CDKL5: variants seen among roughly 807,000 people sequenced by gnomAD.
CDKL5 encodes cyclin dependent kinase like 5, also known as cyclin-dependent kinase-like 5.
In CDKL5, 8 loss-of-function variants were observed where a neutral mutation model predicts 61.7. That is an observed-to-expected ratio of 0.13 (90% CI 0.08 to 0.23). The LOEUF is 0.23. Ranked by LOEUF, CDKL5 falls within the 10% of genes least tolerant of loss-of-function variation. CDKL5 has a pLI of 1.00. For synonymous variants in CDKL5, 275 were observed against 272.3 expected, an observed-to-expected ratio of 1.01 and a Z score of -0.10; for missense variants, 440 against 734.5, an observed-to-expected ratio of 0.60 and a Z score of 4.63.
chrX:18,476,147 C>G (rs772673757), intron 1 of CDKL5, among the ~76,000 whole-genome samples: 1 of 111,836 alleles, frequency 8.9e-6, no homozygotes, highest in African/African-American at 3.2e-5. Flanking sequence ...TGTGAGCTCT[C>G]TCATTAGGTG....
At chrX:18,646,309 A>G (rs1037379081) in intron 20 of CDKL5, among the ~76,000 whole-genome samples, 1 of 111,414 alleles carries the variant, frequency 9.0e-6, no homozygotes, top group Non-Finnish European at 1.9e-5. Context: ...ACCTGCCACC[A>G]TGCCCGGCTA....
chrX:18,535,826 C>T (rs1193467231), intron 3 of CDKL5: 1 of 113,100 alleles, frequency 8.8e-6, no homozygotes, highest in Non-Finnish European at 1.9e-5. Flanking sequence ...CAGAGTCCCT[C>T]CAATGGCTCC....
chrX:18,496,550 C>T (rs903297675), intron 1 of CDKL5, among the ~76,000 whole-genome samples: 9 of 111,264 alleles, frequency 8.1e-5, no homozygotes, highest in Admixed American at 7.6e-4. Context: ...GGGAAAGGCC[C>T]AGAAAGGGAA....
At chrX:18,617,959 A>G (rs755982015) in intron 15 of CDKL5, among the ~76,000 whole-genome samples, 2 of 111,369 alleles carry the variant, frequency 1.8e-5, no homozygotes, top group Non-Finnish European at 3.8e-5. Context: ...GCAAACATTG[A>G]GCTTTCCTTT....
chrX:18,427,329 G>A (rs1340038799), intron 1 of CDKL5, among the ~76,000 whole-genome samples: 1 of 104,397 alleles, frequency 9.6e-6, no homozygotes, highest in Non-Finnish European at 2.0e-5. Context: ...GCGGGGGTTG[G>A]GGGGGAGGTG....
intron 2 of CDKL5, among the ~76,000 whole-genome samples, chrX:18,508,407 CCT>C (rs1922663165): frequency 8.9e-6 from 1 of 112,207 alleles, no homozygotes; most frequent in Admixed American, 9.5e-5. Context: ...CTAGTCAACT[CCT>C]CTTCCATTTC....
At position 18,633,366 on chromosome X, in the gene CDKL5, A is replaced by G. The variant is rs993414423; in HGVS notation, c.*4609A>G. On this transcript the variant is annotated 3_prime_UTR_variant, in exon 18 of 18. Coordinates refer to ENST00000623535, the MANE Select transcript of CDKL5 (RefSeq NM_001323289.2). ...ACCACAATTGTTTTTGAAAGGGGACATAGAAAAGACAGTACAAAGGTTGTA... is the reference window on the plus strand; with the variant it reads ...ACCACAATTGTTTTTGAAAGGGGACGTAGAAAAGACAGTACAAAGGTTGTA... 2 of 752,949 alleles carry G rather than the reference A, an allele frequency of 2.7e-6. No individual in the cohort carries two copies. The highest frequency in any genetic ancestry group is 4.6e-5 in the African/African-American group (2 of 43,351). The allele number at this position is 752,949 out of a possible 1,213,427, so 62.1% of individuals were successfully genotyped here.
chrX:18,600,595 G>A (rs1451620817), intron 11 of CDKL5, among the ~76,000 whole-genome samples: 1 of 112,072 alleles, frequency 8.9e-6, no homozygotes, highest in Non-Finnish European at 1.9e-5. Context: ...GTGAAAAGAG[G>A]CTGTGTATTT....
chrX:18,510,185 T>G (rs769113396), intron 2 of CDKL5, among the ~76,000 whole-genome samples: 141 of 111,380 alleles, frequency 1.3e-3, no homozygotes, highest in Non-Finnish European at 2.3e-3. Context: ...AGATGGAGTC[T>G]TGCTCTGTTG....
At chrX:18,567,190 T>C (rs1682740121) in intron 4 of CDKL5, among the ~76,000 whole-genome samples, 1 of 111,806 alleles carries the variant, frequency 8.9e-6, no homozygotes, top group African/African-American at 3.3e-5. Flanking sequence ...ACAACTCTTT[T>C]GGAGTGTGAA....
At position 18,574,876 on chromosome X, in the gene CDKL5, A is replaced by G. The variant is rs185386674; in HGVS notation, c.146-478A>G. 1.2e-4 allele frequency among the ~76,000 whole-genome samples: 14 copies of G among 112,156 alleles called. No homozygotes were observed. In the East Asian group the frequency reaches 3.4e-3, roughly 27 times the overall value. On this transcript the variant is annotated intron_variant, in intron 4 of 17. Coordinates refer to ENST00000623535, the MANE Select transcript of CDKL5 (RefSeq NM_001323289.2). ...GGAATAAAATGTTTTTTTAGGCCAA[A>G]GTTTCAGGCCATCCTTAAAAACATC...
At chrX:18,613,524 G>A (rs989732743) in intron 15 of CDKL5, among the ~76,000 whole-genome samples, 2 of 112,037 alleles carry the variant, frequency 1.8e-5, no homozygotes, top group African/African-American at 6.5e-5. Flanking sequence ...GCTTTCCACT[G>A]TGTTGTTCTG....
rs1282807746 is a variant in CDKL5 at position 18,639,881 on chromosome X, A to G, written c.*11124A>G. ...TAACGTGGATGAACTTTAAAACACT[A>G]TGCTAAGTGAAAGAAGCCAGTCACG... On this transcript the variant is annotated 3_prime_UTR_variant, in exon 18 of 18. Transcript: ENST00000623535. 1 of 111,891 alleles carries G rather than the reference A, an allele frequency of 8.9e-6. No homozygotes were observed. The highest frequency in any genetic ancestry group is 2.8e-4 in the East Asian group (1 of 3,563). 9.2% of individuals were successfully genotyped at this position (111,891 alleles called of 1,213,427 possible). A position where few individuals can be genotyped will look rare whatever the true frequency, so the allele number is the denominator to read the frequency against.
chrX:18,568,501 A>G (rs1445992313), intron 4 of CDKL5, among the ~76,000 whole-genome samples: 1 of 112,270 alleles, frequency 8.9e-6, no homozygotes, highest in Non-Finnish European at 1.9e-5. Context: ...TATAGTAGTA[A>G]CTAATATGCT....
intron 3 of CDKL5, among the ~76,000 whole-genome samples, chrX:18,554,744 C>T (rs1485493503): frequency 2.7e-5 from 3 of 110,701 alleles, no homozygotes; most frequent in Admixed American, 9.6e-5. Flanking sequence ...TTAATGGAAC[C>T]GTATTACAAA....
At chrX:18,508,966 G>A (rs973003944) in intron 2 of CDKL5, among the ~76,000 whole-genome samples, 9 of 109,241 alleles carry the variant, frequency 8.2e-5, no homozygotes, top group East Asian at 2.9e-4. Flanking sequence ...GGTGGCGGGC[G>A]CCTGTAGTCC....
intron 1 of CDKL5, among the ~76,000 whole-genome samples, chrX:18,469,225 G>T (rs1213503927): frequency 9.5e-6 from 1 of 105,326 alleles, no homozygotes; most frequent in Non-Finnish European, 1.9e-5. Flanking sequence ...TGTAGTCCCA[G>T]CTACTTGCCA....
In CDKL5 at chrX:18,624,622, A is replaced by G. The variant is rs766537347; in HGVS notation, c.2377-506A>G. ...AATGATAGATCCAGATATATCAGAC[A>G]GTGGTTTGGGAATATGATCCAAACC... On this transcript the variant is annotated intron_variant, in intron 16 of 17. Coordinates refer to ENST00000623535, the MANE Select transcript of CDKL5 (RefSeq NM_001323289.2). Among the ~76,000 whole-genome samples, 4 of 112,294 alleles carry G rather than the reference A, an allele frequency of 3.6e-5. No individual in the cohort carries two copies. The East Asian group carries it at 8.4e-4, about 24-fold the overall frequency.
intron 16 of CDKL5, among the ~76,000 whole-genome samples, chrX:18,623,284 T>C (rs1021990281): frequency 1.5e-4 from 17 of 112,366 alleles, no homozygotes; most frequent in Admixed American, 1.5e-3. Flanking sequence ...TTGTGCTAGA[T>C]GTTTTCCATT....
Sources: gnomAD v4.1 joint callset for allele counts (sites outside exome capture counted in the v4.1 genomes callset) on GRCh38, gnomAD v4.1.1 for gene constraint, MANE v1.5 for transcripts, NCBI Gene and HGNC (gene_info 2026-07-23, HGNC 2026-07-21) for gene names.